The following AP1M1 variants were observed in gnomAD, a reference collection of about 807,000 sequenced individuals.
The protein encoded by AP1M1 is adaptor related protein complex 1 subunit mu 1.
AP1M1 carries 18 observed loss-of-function variants against 57.1 expected under a neutral mutation model. The observed-to-expected ratio is 0.32, with a 90% CI of 0.22 to 0.47. The LOEUF (loss-of-function observed/expected upper bound fraction) is 0.47. Ranked by LOEUF, AP1M1 falls within the 20% of genes least tolerant of loss-of-function variation. The probability of loss-of-function intolerance (pLI) is 1.00; values close to 1 mark genes in which losing one functional copy is unlikely to be tolerated. For missense variants in AP1M1, 362 were observed against 593.5 expected, an observed-to-expected ratio of 0.61 and a Z score of 4.05; for synonymous variants, 241 against 237.9, an observed-to-expected ratio of 1.01 and a Z score of -0.12.
In AP1M1 at chr19:16,238,942, G is replaced by GT. The variant is rs901390758; in HGVS notation, c.*4515dup. 2.1e-4 allele frequency: 32 copies of GT among 151,424 alleles called. No homozygotes were observed. The highest frequency in any genetic ancestry group is 5.4e-4 in the African/African-American group (22 of 40,886). The allele number at this position is 151,424 out of a possible 1,614,324, so 9.4% of individuals were successfully genotyped here. On this transcript the variant is annotated 3_prime_UTR_variant, in exon 12 of 12. Transcript: ENST00000291439. ...TTTTTTGTTTTTTGTTTTTGTTTTTGTTTTTTTTGAGACAGAGTTTTGCTC... is the reference window on the plus strand; with the variant it reads ...TTTTTTGTTTTTTGTTTTTGTTTTTGTTTTTTTTTGAGACAGAGTTTTGCTC...
At chr19:16,223,854 C>T (rs866301570) in intron 5 of AP1M1, among the ~76,000 whole-genome samples, 28 of 152,350 alleles carry the variant, frequency 1.8e-4, no homozygotes, top group Middle Eastern at 6.8e-3. Context: ...GAAGGGGCGC[C>T]AGCCGACCTG....
In AP1M1 at chr19:16,201,940, G is replaced by A. The variant is rs73928761; in HGVS notation, c.43-1519G>A. 6.6e-3 allele frequency among the ~76,000 whole-genome samples: 1,009 copies of A among 152,266 alleles called. 7 individuals are homozygous for A. Among genetic ancestry groups the A allele is most frequent in the African/African-American group, 0.023 (941 of 41,530 alleles). On this transcript the variant is annotated intron_variant, in intron 1 of 11. Coordinates refer to ENST00000291439, the MANE Select transcript of AP1M1 (RefSeq NM_032493.4). ...GGGCTTGGGCTTTGTTCTCAGTGCC[G>A]GGGAGGCTGGGGTAAGTGGCAGTTC... is the stretch of plus-strand genomic sequence containing the variant.
At chr19:16,226,310 G>T in intron 5 of AP1M1, 111 bp from the exon 6 acceptor site, 1 of 1,400,644 alleles carries the variant, frequency 7.1e-7, no homozygotes, top group Non-Finnish European at 9.5e-7. Flanking sequence ...GGATGGGCTT[G>T]GAGGTGAGAA....
chr19:16,204,729 C>T (rs1216039177), intron 2 of AP1M1, among the ~76,000 whole-genome samples: 1 of 152,146 alleles, frequency 6.6e-6, no homozygotes, highest in Non-Finnish European at 1.5e-5. Flanking sequence ...TGCACATTCC[C>T]ATGTGGGCCG....
chr19:16,234,559 C>T lies in AP1M1; in HGVS notation c.*124C>T. The T allele has an allele frequency of 7.8e-7, 1 of 1,286,494 alleles. No individual in the cohort carries two copies. Among genetic ancestry groups the T allele is most frequent in the Non-Finnish European group, 1.1e-6 (1 of 913,872 alleles). 79.7% of individuals were successfully genotyped at this position (1,286,494 alleles called of 1,614,324 possible). On this transcript the variant is annotated 3_prime_UTR_variant, in exon 12 of 12. Coordinates refer to ENST00000291439, the MANE Select transcript of AP1M1 (RefSeq NM_032493.4). ...TCTGGCCACCCTCCCAGCCTCTGCCCAGGGACCCCTGCCTTCCCCAGGCCA... is the reference window on the plus strand; with the variant it reads ...TCTGGCCACCCTCCCAGCCTCTGCCTAGGGACCCCTGCCTTCCCCAGGCCA...
rs112213525 is a variant in AP1M1 at position 16,203,891 on chromosome 19, C to G, written c.199+276C>G. On this transcript the variant is annotated intron_variant, in intron 2 of 11. Transcript: ENST00000291439. This position sits in a 1 kb window ranked among gnomAD's most constrained non-coding sequence, Gnocchi z 4.6. ...CCCTGGAGGAAGCCTGCAGGGAGGC[C>G]TGGCTTCTGCCAGCTGGAGGGGTGG... Among the ~76,000 whole-genome samples the G allele has an allele frequency of 0.015, 2,230 of 152,250 alleles. 58 individuals carry two copies. The highest frequency in any genetic ancestry group is 0.051 in the African/African-American group (2,104 of 41,532).
At position 16,203,443 on chromosome 19, in the gene AP1M1, TC is replaced by T; in HGVS notation, c.43-14del. The T allele has an allele frequency of 6.2e-7, 1 of 1,614,174 alleles. No homozygotes were observed. Among genetic ancestry groups the T allele is most frequent in the Non-Finnish European group, 8.5e-7 (1 of 1,180,016 alleles). ...CTGAAAATGCAAGCATCTTTTCTCT[TC>T]CTTCCCCACCCCAGGTGCTCATCTG... On this transcript the variant is annotated splice_polypyrimidine_tract_variant and intron_variant, in intron 1 of 11. Coordinates refer to ENST00000291439, the MANE Select transcript of AP1M1 (RefSeq NM_032493.4). This position sits in a 1 kb window ranked among gnomAD's most constrained non-coding sequence, Gnocchi z 4.6.
Position 16,234,440 on chromosome 19 carries a change from CTG to C in AP1M1, c.*7_*8del. 1 of 1,613,690 alleles carries C rather than the reference CTG, an allele frequency of 6.2e-7. No homozygotes were observed. The highest frequency in any genetic ancestry group is 8.5e-7 in the Non-Finnish European group (1 of 1,179,920). On this transcript the variant is annotated 3_prime_UTR_variant, in exon 12 of 12. Transcript: ENST00000291439. ...TACCAGCTCCGGACCCAGTGAGGGG[CTG>C]TCGCAGCCAACACCCCGGCCTCGGG...
intron 5 of AP1M1, among the ~76,000 whole-genome samples, chr19:16,212,632 TCTG>T (rs1358623314): frequency 6.6e-6 from 1 of 152,218 alleles, no homozygotes; most frequent in Admixed American, 6.5e-5. Context: ...TTTCTTGTCT[TCTG>T]CTAGCTTTGG....
chr19:16,200,641 T>C (rs1234406829), intron 1 of AP1M1, among the ~76,000 whole-genome samples: 1 of 152,214 alleles, frequency 6.6e-6, no homozygotes, highest in Non-Finnish European at 1.5e-5. Context: ...GAGAAATTCA[T>C]GGCCACGTGT....
At chr19:16,202,673 G>A (rs138145038) in intron 1 of AP1M1, among the ~76,000 whole-genome samples, 73 of 152,344 alleles carry the variant, frequency 4.8e-4, no homozygotes, top group African/African-American at 1.6e-3. Context: ...GATCCCTTCC[G>A]TTGCTGAGGC....
At chr19:16,234,067 C>G (rs541425175) in intron 10 of AP1M1, 132 bp from the exon 11 acceptor site, 9 of 837,552 alleles carry the variant, frequency 1.1e-5, no homozygotes, top group Admixed American at 5.7e-5. Context: ...CCTTTCACCC[C>G]CCTGAGGCCT....
At chr19:16,200,959 C>T (rs1326772575) in intron 1 of AP1M1, among the ~76,000 whole-genome samples, 1 of 152,132 alleles carries the variant, frequency 6.6e-6, no homozygotes, top group Non-Finnish European at 1.5e-5. Flanking sequence ...CAGTGACTCT[C>T]AATTTTGTTC....
In AP1M1 at chr19:16,235,035, A is replaced by C; in HGVS notation, c.*600A>C. ...CGGCAGCGCCCGCAGCGGGCCATTT[A>C]CACGTCGAGGCTGGCACCTGGCGCG... On this transcript the variant is annotated 3_prime_UTR_variant, in exon 12 of 12. Coordinates refer to ENST00000291439, the MANE Select transcript of AP1M1 (RefSeq NM_032493.4). 6.5e-6 allele frequency: 1 copy of C among 153,092 alleles called. No homozygotes were observed. Among genetic ancestry groups the C allele is most frequent in the South Asian group, 2.1e-4 (1 of 4,870 alleles). The allele number at this position is 153,092 out of a possible 1,614,324, so 9.5% of individuals were successfully genotyped here.
chr19:16,213,776 T>C (rs1212003368), intron 5 of AP1M1, among the ~76,000 whole-genome samples: 1 of 152,188 alleles, frequency 6.6e-6, no homozygotes, highest in Non-Finnish European at 1.5e-5. Context: ...ATTACAGGCA[T>C]GAGCCACTGC....
intron 5 of AP1M1, among the ~76,000 whole-genome samples, chr19:16,219,992 A>G (rs1476990964): frequency 1.3e-5 from 2 of 152,194 alleles, no homozygotes; most frequent in African/African-American, 2.4e-5. Context: ...ATCTACACTC[A>G]TAAGAGATAC....
intron 9 of AP1M1, among the ~76,000 whole-genome samples, chr19:16,231,313 C>G (rs28412542): frequency 0.15 from 5,332 of 36,222 alleles, 121 homozygotes; most frequent in Admixed American, 0.21. Flanking sequence ...AAAAAAAACA[C>G]AGAGAGAGAT....
intron 5 of AP1M1, among the ~76,000 whole-genome samples, chr19:16,215,195 G>T (rs182106893): frequency 2.7e-4 from 7 of 26,000 alleles, no homozygotes; most frequent in African/African-American, 7.0e-4. Context: ...AGGCTAAGGC[G>T]GGGGCGGGGG....
chr19:16,209,968 T>C (rs1358685465), intron 5 of AP1M1, among the ~76,000 whole-genome samples: 5 of 152,216 alleles, frequency 3.3e-5, no homozygotes. Context: ...TGTTGCCCCT[T>C]TGTAGCTCCA....
Sources: gnomAD v4.1 joint callset for allele counts (sites outside exome capture counted in the v4.1 genomes callset) on GRCh38, gnomAD v4.1.1 for gene constraint, Gnocchi (gnomAD v3.1) non-coding constraint, MANE v1.5 for transcripts, NCBI Gene and HGNC (gene_info 2026-07-23, HGNC 2026-07-21) for gene names.